Variants in SV2B observed in about 807,000 individuals in gnomAD.
SV2B encodes synaptic vesicle glycoprotein 2B, also known as solute carrier family 22 member B2.
In SV2B, 41 loss-of-function variants were observed where a neutral mutation model predicts 73.9. That is an observed-to-expected ratio of 0.56 (90% CI 0.43 to 0.72). SV2B has a LOEUF of 0.72. Among genes scored for constraint, SV2B ranks in the 30% least tolerant of loss-of-function variants. The pLI is 0.00. For missense variants in SV2B, 764 were observed against 857.8 expected (o/e 0.89, Z 1.37); for synonymous variants, 314 against 314.2 (o/e 1.00, Z 0.01).
intron 1 of SV2B, among the ~76,000 whole-genome samples, chr15:91,216,767 A>AT (rs111561041): frequency 0.26 from 35,752 of 138,344 alleles, 6,830 homozygotes; most frequent in African/African-American, 0.55. Context: ...TTTAACTTGT[A>AT]TTTTTTTTTT....
At chr15:91,257,723 C>T (rs924448248) in intron 4 of SV2B, among the ~76,000 whole-genome samples, 1 of 152,156 alleles carries the variant, frequency 6.6e-6, no homozygotes, top group African/African-American at 2.4e-5. Flanking sequence ...CGTATGAGGC[C>T]CTGCTCTGGC....
chr15:91,278,443 C>T (rs1024550610), intron 9 of SV2B, among the ~76,000 whole-genome samples: 11 of 151,680 alleles, frequency 7.3e-5, no homozygotes, highest in South Asian at 2.1e-4. Flanking sequence ...TTTGGGAGGC[C>T]GAGGCGGGTG....
chr15:91,127,491 T>C (rs1409011740), intron 1 of SV2B, among the ~76,000 whole-genome samples: 3 of 152,100 alleles, frequency 2.0e-5, no homozygotes, highest in Non-Finnish European at 2.9e-5. Context: ...GCCGCTCTTC[T>C]ATCCCTCAGC....
chr15:91,173,225 C>T (rs148987425), intron 1 of SV2B, among the ~76,000 whole-genome samples: 4,049 of 152,104 alleles, frequency 0.027, 66 homozygotes, highest in Non-Finnish European at 0.034. Flanking sequence ...GAGGTACGAG[C>T]GCGGTGTGTC....
At chr15:91,215,313 A>G (rs2045988169) in intron 1 of SV2B, among the ~76,000 whole-genome samples, 1 of 152,210 alleles carries the variant, frequency 6.6e-6, no homozygotes, top group South Asian at 2.1e-4. Flanking sequence ...AGTGAGCACA[A>G]AAATTACCCT....
At chr15:91,248,031 G>A (rs1482767652) in intron 2 of SV2B, among the ~76,000 whole-genome samples, 1 of 152,174 alleles carries the variant, frequency 6.6e-6, no homozygotes, top group African/African-American at 2.4e-5. Context: ...TTTGATCCAT[G>A]TGTACAATGT....
At chr15:91,218,306 T>A (rs1177400823) in intron 1 of SV2B, among the ~76,000 whole-genome samples, 1 of 152,202 alleles carries the variant, frequency 6.6e-6, no homozygotes, top group African/African-American at 2.4e-5. Context: ...GAGATAAGGA[T>A]ATTCTTTTCC....
intron 1 of SV2B, among the ~76,000 whole-genome samples, chr15:91,186,710 G>C (rs2044784470): frequency 6.6e-6 from 1 of 152,172 alleles, no homozygotes; most frequent in Non-Finnish European, 1.5e-5. Flanking sequence ...AGACTCAGAA[G>C]GCTGTGGGGG....
In SV2B at chr15:91,132,372, A is replaced by G. The variant is rs2042680948; in HGVS notation, c.-392+32009A>G. Among the ~76,000 whole-genome samples the G allele has an allele frequency of 1.3e-5, 2 of 152,220 alleles. No homozygotes were observed. The highest frequency in any genetic ancestry group is 1.3e-4 in the Admixed American group (2 of 15,288). Reference sequence around the variant, plus strand: ...ACACCTGTGCAAACATTGGTTGCAAAAACAATCAGGGGTTAGGGTGAAGTA... The same window carrying G: ...ACACCTGTGCAAACATTGGTTGCAAGAACAATCAGGGGTTAGGGTGAAGTA... On this transcript the variant is annotated intron_variant, in intron 1 of 12. Coordinates refer to ENST00000394232, the MANE Select transcript of SV2B (RefSeq NM_001323032.3). The surrounding 1 kb of genome is among the most constrained non-coding windows in gnomAD (Gnocchi z 4.6).
intron 2 of SV2B, among the ~76,000 whole-genome samples, chr15:91,230,757 A>G (rs1480193314): frequency 6.6e-6 from 1 of 152,226 alleles, no homozygotes; most frequent in Non-Finnish European, 1.5e-5. Context: ...TTATAGCAAT[A>G]CAAGGAGACA....
In SV2B at chr15:91,292,529, A is replaced by T. The variant is rs1296700454; in HGVS notation, c.2029A>T (p.Thr677Ser). 4 of 1,613,802 alleles carry T rather than the reference A, an allele frequency of 2.5e-6. No individual in the cohort carries two copies. The highest frequency in any genetic ancestry group is 3.4e-6 in the Non-Finnish European group (4 of 1,179,956). Residue 677 changes from threonine to serine, a missense_variant, in exon 13 of 13, where the codon ACT becomes TCT. By Grantham distance (58) the Thr-to-Ser change is moderately conservative. Transcript: ENST00000394232. ...GGLIALRLPE[T>S]REQVLM is the part of the protein sequence containing the mutation. Reference sequence around the variant, plus strand: ...CCTGATTGCCCTTCGACTGCCAGAGACTCGAGAACAGGTCCTGATGTGAAC... The same window carrying T: ...CCTGATTGCCCTTCGACTGCCAGAGTCTCGAGAACAGGTCCTGATGTGAAC...
chr15:91,208,374 TC>T (rs1455971371), intron 1 of SV2B, among the ~76,000 whole-genome samples: 1 of 152,198 alleles, frequency 6.6e-6, no homozygotes, highest in African/African-American at 2.4e-5. Flanking sequence ...AAAAGTGTTT[TC>T]CCCCCACCCT....
rs1417195675 is a variant in SV2B, at chr15:91,214,090, A to G, written c.-391-11783A>G. On this transcript the variant is annotated intron_variant, in intron 1 of 12. Transcript: ENST00000394232. This position sits in a 1 kb window ranked among gnomAD's most constrained non-coding sequence, Gnocchi z 4.7. ...GAAACACTTAACTTGGAAATCAGTC[A>G]TATGGGAACAAAATATCAGCTCATG... 6.6e-6 allele frequency among the ~76,000 whole-genome samples: 1 copy of G among 152,262 alleles called. No individual in the cohort carries two copies. Among genetic ancestry groups the G allele is most frequent in the Non-Finnish European group, 1.5e-5 (1 of 68,040 alleles).
At chr15:91,109,144 G>A (rs1225522383) in intron 1 of SV2B, among the ~76,000 whole-genome samples, 1 of 152,208 alleles carries the variant, frequency 6.6e-6, no homozygotes, top group Non-Finnish European at 1.5e-5. Flanking sequence ...AGATATCTGA[G>A]GCGCAGAGAA....
intron 1 of SV2B, among the ~76,000 whole-genome samples, chr15:91,186,147 G>C (rs2044761658): frequency 6.6e-6 from 1 of 152,108 alleles, no homozygotes; most frequent in Non-Finnish European, 1.5e-5. Context: ...AAAAAGGCCT[G>C]GCCTATCTGG....
Position 91,152,041 on chromosome 15 carries a change from T to A in SV2B, c.-392+51678T>A, listed in dbSNP as rs2043328766. Reference sequence around the variant, plus strand: ...GCCTGATGAATGTCAGGACAAATGTTTATTTTGTCAATCTGAGTTAATTTT... The same window carrying A: ...GCCTGATGAATGTCAGGACAAATGTATATTTTGTCAATCTGAGTTAATTTT... On this transcript the variant is annotated intron_variant, in intron 1 of 12. Transcript: ENST00000394232. Among the ~76,000 whole-genome samples, 3 of 151,716 alleles carry A rather than the reference T, an allele frequency of 2.0e-5. No individual in the cohort carries two copies. The South Asian group carries it at 6.2e-4, about 32-fold the overall frequency.
rs991585458 is a variant in SV2B, at chr15:91,124,798, C to A, written c.-392+24435C>A. On this transcript the variant is annotated intron_variant, in intron 1 of 12. Coordinates refer to ENST00000394232, the MANE Select transcript of SV2B (RefSeq NM_001323032.3). This position sits in a 1 kb window ranked among gnomAD's most constrained non-coding sequence, Gnocchi z 4.6. ...CATCCCAAGTAACTGGGACTACAGG[C>A]ATGAGCCACCACACCTGGCTAATGT... 3.9e-5 allele frequency among the ~76,000 whole-genome samples: 6 copies of A among 152,230 alleles called. No individual in the cohort carries two copies. Among genetic ancestry groups the A allele is most frequent in the Middle Eastern group, 3.4e-3 (1 of 294 alleles).
chr15:91,202,329 T>G (rs1284202425), intron 1 of SV2B, among the ~76,000 whole-genome samples: 1 of 152,238 alleles, frequency 6.6e-6, no homozygotes, highest in African/African-American at 2.4e-5. Flanking sequence ...GAATAGTGCT[T>G]AGCACATAGT....
chr15:91,272,088 G>A (rs1194849322), intron 9 of SV2B, among the ~76,000 whole-genome samples: 1 of 152,150 alleles, frequency 6.6e-6, no homozygotes, highest in Non-Finnish European at 1.5e-5. Flanking sequence ...AAGTGCCAAG[G>A]TTAGTTTTGG....
Sources: allele counts gnomAD v4.1 joint callset (sites outside exome capture counted in the v4.1 genomes callset), GRCh38; gene constraint gnomAD v4.1.1; non-coding constraint Gnocchi (gnomAD v3.1); transcripts MANE v1.5; gene names NCBI Gene and HGNC (gene_info 2026-07-23, HGNC 2026-07-21).